Variants in KIF26B observed in about 807,000 individuals in gnomAD.
The protein encoded by KIF26B is kinesin-like protein KIF26B.
Under a neutral mutation model 151.2 loss-of-function variants are expected in KIF26B, and 63 were observed. That is an observed-to-expected ratio of 0.42 (90% confidence interval 0.34 to 0.51). The LOEUF is 0.51. KIF26B is among the 20% of genes least tolerant of loss of function. The pLI is 0.07. For missense variants in KIF26B, 2,813 were observed against 2,913.6 expected (o/e 0.97, Z 0.79); for synonymous variants, 1,357 against 1,262.1 (o/e 1.08, Z -1.59).
chr1:245,422,056 T>G (rs1192867125), intron 4 of KIF26B, among the ~76,000 whole-genome samples: 1 of 152,224 alleles, frequency 6.6e-6, no homozygotes, highest in South Asian at 2.1e-4. Context: ...GACTTGAAAC[T>G]CATGACTTCA....
chr1:245,368,641 C>A (rs776135379), intron 3 of KIF26B, among the ~76,000 whole-genome samples: 1 of 151,838 alleles, frequency 6.6e-6, no homozygotes, highest in Non-Finnish European at 1.5e-5. Context: ...GGTGGCCTTC[C>A]GCTGTGATGT....
intron 2 of KIF26B, among the ~76,000 whole-genome samples, chr1:245,305,637 C>A (rs1323048489): frequency 6.6e-6 from 1 of 152,054 alleles, no homozygotes; most frequent in Admixed American, 6.6e-5. Context: ...TTATACATTG[C>A]TGTTGAAAAT....
At chr1:245,391,821 T>G (rs1465527076) in intron 3 of KIF26B, among the ~76,000 whole-genome samples, 1 of 152,170 alleles carries the variant, frequency 6.6e-6, no homozygotes, top group East Asian at 1.9e-4. Context: ...TATTTTAAAG[T>G]TTTCATTTAA....
intron 4 of KIF26B, among the ~76,000 whole-genome samples, chr1:245,421,584 C>T (rs1441133592): frequency 1.3e-5 from 2 of 152,068 alleles, no homozygotes; most frequent in Admixed American, 1.3e-4. Context: ...AATTGACTTC[C>T]GACGTGCCTT....
At chr1:245,670,294 A>G (rs2044270405) in intron 10 of KIF26B, among the ~76,000 whole-genome samples, 1 of 147,940 alleles carries the variant, frequency 6.8e-6, no homozygotes, top group African/African-American at 2.5e-5. Context: ...ACACACACAC[A>G]CAATGTATAT....
chr1:245,662,896 T>G (rs977271854), intron 10 of KIF26B, among the ~76,000 whole-genome samples: 1 of 151,672 alleles, frequency 6.6e-6, no homozygotes, highest in Non-Finnish European at 1.5e-5. Flanking sequence ...TGTTTTTTTG[T>G]ACACATGTGG....
intron 4 of KIF26B, among the ~76,000 whole-genome samples, chr1:245,431,055 A>C (rs1188054156): frequency 2.0e-5 from 3 of 152,162 alleles, no homozygotes; most frequent in Admixed American, 6.5e-5. Flanking sequence ...CTCCAAACTC[A>C]AGATGGGTTG....
intron 4 of KIF26B, among the ~76,000 whole-genome samples, chr1:245,491,281 G>A (rs540806262): frequency 4.6e-5 from 7 of 152,196 alleles, no homozygotes; most frequent in Middle Eastern, 3.4e-3. Flanking sequence ...CAGTATTTTC[G>A]TATTTCTCTT....
intron 4 of KIF26B, among the ~76,000 whole-genome samples, chr1:245,463,646 G>A (rs1306735989): frequency 6.6e-6 from 1 of 152,196 alleles, no homozygotes; most frequent in Non-Finnish European, 1.5e-5. Flanking sequence ...CACGACTGGT[G>A]AGTCCCGCCT....
chr1:245,269,683 T>G (rs1357002834), intron 2 of KIF26B, among the ~76,000 whole-genome samples: 1 of 152,060 alleles, frequency 6.6e-6, no homozygotes, highest in African/African-American at 2.4e-5. Context: ...CAGGCTGATC[T>G]CGAACTCCTG....
intron 9 of KIF26B, among the ~76,000 whole-genome samples, chr1:245,619,976 C>A (rs534850655): frequency 6.6e-6 from 1 of 151,630 alleles, no homozygotes; most frequent in East Asian, 1.9e-4. Context: ...AGCTGTGATT[C>A]GGGAAGAGTA....
intron 2 of KIF26B, among the ~76,000 whole-genome samples, chr1:245,157,706 TATCTC>T (rs371710655): frequency 2.5e-3 from 381 of 152,354 alleles, no homozygotes; most frequent in African/African-American, 7.7e-3. Context: ...ATGCAGAACT[TATCTC>T]AAGAATAATG....
At chr1:245,242,232 T>TC (rs111996779) in intron 2 of KIF26B, among the ~76,000 whole-genome samples, 22 of 151,766 alleles carry the variant, frequency 1.4e-4, no homozygotes, top group Middle Eastern at 3.4e-3. Context: ...CTCTATGCCT[T>TC]CCCCCCCCAA....
Position 245,707,683 on chromosome 1 carries a change from G to A in KIF26B, c.*5077G>A, listed in dbSNP as rs1471638578. 1 of 152,224 alleles carries A rather than the reference G, an allele frequency of 6.6e-6. No individual in the cohort carries two copies. The highest frequency in any genetic ancestry group is 2.4e-5 in the African/African-American group (1 of 41,442). 9.4% of individuals were successfully genotyped at this position (152,224 alleles called of 1,614,324 possible). ...AGGACAGATAAAGCAAGAGAATAGGGATTAGGGTCCAATCCTCAATGCACA... is the reference window on the plus strand; with the variant it reads ...AGGACAGATAAAGCAAGAGAATAGGAATTAGGGTCCAATCCTCAATGCACA... On this transcript the variant is annotated 3_prime_UTR_variant, in exon 15 of 15. Transcript: ENST00000407071.
chr1:245,181,154 T>C (rs527438542), intron 2 of KIF26B, among the ~76,000 whole-genome samples: 4 of 152,240 alleles, frequency 2.6e-5, no homozygotes, highest in East Asian at 1.9e-4. Flanking sequence ...CCCTTTTTTT[T>C]CCCTTGAAAT....
At chr1:245,699,166 G>T in intron 14 of KIF26B, 129 bp downstream of exon 14, 1 of 999,550 alleles carries the variant, frequency 1.0e-6, no homozygotes. Flanking sequence ...CCCATCAAAT[G>T]GAGGAAGTTG....
chr1:245,158,943 T>C (rs534549015), intron 2 of KIF26B, among the ~76,000 whole-genome samples: 43 of 152,274 alleles, frequency 2.8e-4, no homozygotes, highest in Admixed American at 1.8e-3. Context: ...TGCAACCTTA[T>C]AGCCAAACAG....
chr1:245,370,637 C>G (rs978710964), intron 3 of KIF26B: 1 of 456,542 alleles, frequency 2.2e-6, no homozygotes. Context: ...GCTGCGCCAG[C>G]GCTGATGAGC....
chr1:245,156,715 G>T, intron 2 of KIF26B, 32 bp downstream of exon 2: 1 of 1,363,724 alleles, frequency 7.3e-7, no homozygotes, highest in Non-Finnish European at 9.5e-7. Context: ...CTGGGGAGGC[G>T]CCGGGAGGGC....
Sources: allele counts gnomAD v4.1 joint callset (sites outside exome capture counted in the v4.1 genomes callset), GRCh38; gene constraint gnomAD v4.1.1; transcripts MANE v1.5; gene names NCBI Gene and HGNC (gene_info 2026-07-23, HGNC 2026-07-21).